The following NEK10 variants were observed in gnomAD, a reference collection of about 807,000 sequenced individuals.
NEK10 encodes the protein serine/threonine-protein kinase Nek10.
A neutral mutation model predicts 159.8 loss-of-function variants in NEK10; 122 were observed. That is an observed-to-expected ratio of 0.76 (90% CI 0.66 to 0.89). The LOEUF (loss-of-function observed/expected upper bound fraction) is 0.89, where lower values mean the gene tolerates loss of function less well. Among genes scored for constraint, NEK10 ranks in the 40% least tolerant of loss-of-function variants. The pLI, the probability that NEK10 is intolerant of heterozygous loss-of-function variation, is 0.00. For missense variants in NEK10, 1,342 were observed against 1,323.1 expected (o/e 1.01, Z -0.22); for synonymous variants, 466 against 457.1 (o/e 1.02, Z -0.25).
chr3:27,237,758 C>T (rs1049173776), intron 23 of NEK10, among the ~76,000 whole-genome samples: 2 of 152,068 alleles, frequency 1.3e-5, no homozygotes, highest in Non-Finnish European at 2.9e-5. Flanking sequence ...GAAATCACCA[C>T]TTAAGAACCT....
chr3:27,332,107 A>G (rs1333232046), intron 5 of NEK10, among the ~76,000 whole-genome samples: 1 of 152,220 alleles, frequency 6.6e-6, no homozygotes, highest in Non-Finnish European at 1.5e-5. Context: ...CCAGTTAAGT[A>G]AAGCCACTTC....
chr3:27,276,379 G>A (rs1197066463), intron 22 of NEK10, among the ~76,000 whole-genome samples: 2 of 152,008 alleles, frequency 1.3e-5, no homozygotes, highest in Non-Finnish European at 2.9e-5. Context: ...CATTTGACCT[G>A]AGTGGCAGAA....
intron 26 of NEK10, among the ~76,000 whole-genome samples, chr3:27,180,422 G>A (rs953945260): frequency 1.7e-4 from 26 of 150,064 alleles, no homozygotes; most frequent in African/African-American, 5.9e-4. Flanking sequence ...GAAGGGAAGG[G>A]GAGGGGAGGG....
At chr3:27,144,970 C>T (rs1005902507) in intron 30 of NEK10, among the ~76,000 whole-genome samples, 4 of 152,142 alleles carry the variant, frequency 2.6e-5, no homozygotes, top group African/African-American at 9.7e-5. Context: ...GATCCACCCA[C>T]CTCGACCTCC....
intron 1 of NEK10, among the ~76,000 whole-genome samples, chr3:27,368,425 T>A (rs1451175261): frequency 2.0e-5 from 3 of 152,068 alleles, no homozygotes; most frequent in Non-Finnish European, 4.4e-5. Flanking sequence ...AGATGGGTGT[T>A]GAATTTAACC....
intron 23 of NEK10, among the ~76,000 whole-genome samples, chr3:27,208,843 G>A (rs966979957): frequency 6.6e-5 from 10 of 152,206 alleles, no homozygotes; most frequent in Admixed American, 2.0e-4. Flanking sequence ...AGCATGTGCT[G>A]TCTATAAGCC....
chr3:27,262,890 TG>T (rs2040540088), intron 22 of NEK10, among the ~76,000 whole-genome samples: 1 of 152,228 alleles, frequency 6.6e-6, no homozygotes, highest in African/African-American at 2.4e-5. Context: ...TGCATTCCTT[TG>T]GAGGAGGAGA....
At chr3:27,218,200 G>A (rs890748175) in intron 23 of NEK10, among the ~76,000 whole-genome samples, 2 of 152,178 alleles carry the variant, frequency 1.3e-5, no homozygotes, top group Admixed American at 6.5e-5. Context: ...ACCACACTGC[G>A]CAGAATGGTA....
At chr3:27,363,430 A>C (rs2048827554) in intron 1 of NEK10, among the ~76,000 whole-genome samples, 1 of 152,252 alleles carries the variant, frequency 6.6e-6, no homozygotes, top group Non-Finnish European at 1.5e-5. Context: ...AGAGGGATTT[A>C]ATAAATAATT....
chr3:27,181,406 C>T (rs796407910), intron 26 of NEK10, among the ~76,000 whole-genome samples: 3 of 151,984 alleles, frequency 2.0e-5, no homozygotes, highest in Non-Finnish European at 4.4e-5. Flanking sequence ...AGTGGATCAT[C>T]ATAAAGGTCT....
intron 22 of NEK10, among the ~76,000 whole-genome samples, chr3:27,267,294 C>A (rs753065989): frequency 6.6e-6 from 1 of 152,162 alleles, no homozygotes; most frequent in Non-Finnish European, 1.5e-5. Flanking sequence ...AAATTTGCTC[C>A]TTCTTTGTAT....
intron 5 of NEK10, among the ~76,000 whole-genome samples, chr3:27,328,763 A>C (rs568636344): frequency 1.8e-4 from 28 of 152,280 alleles, no homozygotes; most frequent in African/African-American, 5.3e-4. Flanking sequence ...TAAAGAGCCA[A>C]GCATCAAAAG....
In NEK10 at chr3:27,344,337, T is replaced by C; in HGVS notation, c.297A>G (p.Lys99=). 6.3e-7 allele frequency: 1 copy of C among 1,592,932 alleles called. No individual in the cohort carries two copies. Among genetic ancestry groups the C allele is most frequent in the Non-Finnish European group, 8.6e-7 (1 of 1,164,968 alleles). The change falls in exon 5 of 36, where the codon AAA becomes AAG. Residue 99 remains lysine, a synonymous_variant. Transcript: ENST00000691995. ...INYKNERNFS[K]HPQRKLFQEI... Reference sequence around the variant, plus strand: ...CCTGAAATAGTTTACGCTGAGGATGTTTGCTGAAATTTCTCTCATTCTTGT... The same window carrying C: ...CCTGAAATAGTTTACGCTGAGGATGCTTGCTGAAATTTCTCTCATTCTTGT...
rs192370420 is a variant in NEK10, at chr3:27,276,353, C to T, written c.2014+8249G>A. ...ATATCAGATGTGGATGTCAAAGATG[C>T]CCCCTGGAGGAAGCGCATTTGACCT... On this transcript the variant is annotated intron_variant, in intron 22 of 35. Coordinates refer to ENST00000691995, the MANE Select transcript of NEK10 (RefSeq NM_001394966.1). 3.3e-5 allele frequency among the ~76,000 whole-genome samples: 5 copies of T among 151,992 alleles called. No homozygotes were observed. The East Asian group carries it at 9.8e-4, about 30-fold the overall frequency.
At chr3:27,292,389 T>C (rs2043059032) in intron 16 of NEK10, among the ~76,000 whole-genome samples, 1 of 152,020 alleles carries the variant, frequency 6.6e-6, no homozygotes, top group African/African-American at 2.4e-5. Context: ...AACTTTTAAA[T>C]AAAAGTTTCA....
rs552882336 is a variant in NEK10, at chr3:27,250,666, A to G, written c.2090+5630T>C. ...AGTCTTTATTTCTCCTTCATGTTTG[A>G]AGGATATTTTCACCAGATATACTAT... On this transcript the variant is annotated intron_variant, in intron 23 of 35. Coordinates refer to ENST00000691995, the MANE Select transcript of NEK10 (RefSeq NM_001394966.1). Among the ~76,000 whole-genome samples, 15 of 152,180 alleles carry G rather than the reference A, an allele frequency of 9.9e-5. No individual in the cohort carries two copies. The East Asian group carries it at 2.9e-3, about 29-fold the overall frequency.
intron 23 of NEK10, chr3:27,252,229 A>G (rs1211054078): frequency 2.8e-5 from 14 of 503,048 alleles, no homozygotes; most frequent in Middle Eastern, 3.2e-4. Flanking sequence ...AGGCAAGACT[A>G]TGAAAAAATA....
At chr3:27,304,717 C>A (rs1559467941) in intron 12 of NEK10, 30 bp downstream of exon 12, 1 of 1,429,188 alleles carries the variant, frequency 7.0e-7, no homozygotes, top group East Asian at 2.3e-5. Context: ...ACAAACAGGG[C>A]AAAGTAGGCC....
At chr3:27,321,392 C>A (rs556336839) in intron 6 of NEK10, among the ~76,000 whole-genome samples, 1 of 152,252 alleles carries the variant, frequency 6.6e-6, no homozygotes, top group South Asian at 2.1e-4. Flanking sequence ...AAACAGAGGC[C>A]AGGCATGGTG....
Sources: allele counts gnomAD v4.1 joint callset (sites outside exome capture counted in the v4.1 genomes callset), GRCh38; gene constraint gnomAD v4.1.1; transcripts MANE v1.5; gene names NCBI Gene and HGNC (gene_info 2026-07-23, HGNC 2026-07-21).